Variants in ZDHHC14 observed in about 807,000 individuals in gnomAD.
ZDHHC14 encodes palmitoyltransferase ZDHHC14.
Under a neutral mutation model 47.7 loss-of-function variants are expected in ZDHHC14, and 16 were observed. That is an observed-to-expected ratio of 0.34 (90% CI 0.23 to 0.51). The LOEUF (loss-of-function observed/expected upper bound fraction) is 0.51. ZDHHC14 is among the 20% of genes least tolerant of loss of function. The pLI is 0.97. For synonymous variants in ZDHHC14, 293 were observed against 278.9 expected, an observed-to-expected ratio of 1.05 and a Z score of -0.50; for missense variants, 515 against 662.5, an observed-to-expected ratio of 0.78 and a Z score of 2.44.
intron 2 of ZDHHC14, among the ~76,000 whole-genome samples, chr6:157,555,647 T>G (rs981745063): frequency 5.3e-5 from 8 of 151,840 alleles, no homozygotes; most frequent in Non-Finnish European, 1.2e-4. Flanking sequence ...CCTGATAGCT[T>G]CTTTTTTTTA....
At position 157,591,208 on chromosome 6, in the gene ZDHHC14, G is replaced by A. The variant is rs149580438; in HGVS notation, c.407-1780G>A. Reference sequence around the variant, plus strand: ...GAATGAGCTAAGACTTTGGGGGACTGTTGGAAAGGCATGATTGTGTTTTAA... The same window carrying A: ...GAATGAGCTAAGACTTTGGGGGACTATTGGAAAGGCATGATTGTGTTTTAA... On this transcript the variant is annotated intron_variant, in intron 2 of 8. Coordinates refer to ENST00000359775, the MANE Select transcript of ZDHHC14 (RefSeq NM_024630.3). Among the ~76,000 whole-genome samples the A allele has an allele frequency of 4.4e-4, 67 of 152,330 alleles. No homozygotes were observed. The East Asian group carries it at 0.012, about 27-fold the overall frequency.
At chr6:157,553,639 G>T (rs1431969181) in intron 2 of ZDHHC14, among the ~76,000 whole-genome samples, 1 of 151,788 alleles carries the variant, frequency 6.6e-6, no homozygotes, top group African/African-American at 2.4e-5. Context: ...TGGGGGGTGG[G>T]AGAGGGCTGG....
chr6:157,423,932 G>A (rs1191244331), intron 1 of ZDHHC14, among the ~76,000 whole-genome samples: 1 of 152,182 alleles, frequency 6.6e-6, no homozygotes. Context: ...ACTGGTTCAG[G>A]CATCCATCAG....
intron 1 of ZDHHC14, among the ~76,000 whole-genome samples, chr6:157,535,391 G>A (rs921897986): frequency 6.6e-6 from 1 of 152,164 alleles, no homozygotes; most frequent in Non-Finnish European, 1.5e-5. Context: ...CCCTTAGCAA[G>A]CCTGAAAGCT....
chr6:157,575,413 C>A (rs1033838755), intron 2 of ZDHHC14, among the ~76,000 whole-genome samples: 1 of 152,220 alleles, frequency 6.6e-6, no homozygotes, highest in Non-Finnish European at 1.5e-5. Context: ...GGCCAACATC[C>A]CAGATGTGGC....
intron 6 of ZDHHC14, chr6:157,646,370 C>T (rs1961520): frequency 0.22 from 33,254 of 151,922 alleles, 4,543 homozygotes; most frequent in East Asian, 0.57. Context: ...CCCAGCACTT[C>T]GGGAGGCCGA....
chr6:157,626,370 C>T (rs992004074), intron 3 of ZDHHC14, among the ~76,000 whole-genome samples: 4 of 152,102 alleles, frequency 2.6e-5, no homozygotes, highest in African/African-American at 7.2e-5. Flanking sequence ...TGATGGCCTC[C>T]AAGTCTTAGG....
intron 2 of ZDHHC14, among the ~76,000 whole-genome samples, chr6:157,568,612 T>A (rs1252129185): frequency 6.6e-6 from 1 of 152,166 alleles, no homozygotes; most frequent in Non-Finnish European, 1.5e-5. Context: ...TTGCACTCAG[T>A]ATTCATGAAA....
At chr6:157,412,790 CAT>C (rs1583623108) in intron 1 of ZDHHC14, among the ~76,000 whole-genome samples, 1 of 152,200 alleles carries the variant, frequency 6.6e-6, no homozygotes, top group East Asian at 1.9e-4. Flanking sequence ...AGAGCAAAAC[CAT>C]TTGTCAAATT....
Position 157,421,329 on chromosome 6 carries a change from T to C in ZDHHC14, c.245+39063T>C, listed in dbSNP as rs1440201317. Reference sequence around the variant, plus strand: ...GGTGAAACCACGTCTCTACTAAAAATATTAAAAAAAAAATTTGCTGGGTGT... The same window carrying C: ...GGTGAAACCACGTCTCTACTAAAAACATTAAAAAAAAAATTTGCTGGGTGT... On this transcript the variant is annotated intron_variant, in intron 1 of 8. Transcript: ENST00000359775. 4.0e-5 allele frequency among the ~76,000 whole-genome samples: 6 copies of C among 150,704 alleles called. No individual in the cohort carries two copies. In the South Asian group the frequency reaches 8.4e-4, roughly 21 times the overall value.
At chr6:157,481,163 A>G (rs1258039293) in intron 1 of ZDHHC14, among the ~76,000 whole-genome samples, 1 of 151,840 alleles carries the variant, frequency 6.6e-6, no homozygotes, top group African/African-American at 2.4e-5. Context: ...CCTCACTCCC[A>G]CTCATTTTTT....
intron 1 of ZDHHC14, among the ~76,000 whole-genome samples, chr6:157,526,434 A>C (rs1781152864): frequency 6.6e-6 from 1 of 152,070 alleles, no homozygotes; most frequent in Non-Finnish European, 1.5e-5. Flanking sequence ...CATCTCCCAG[A>C]TTATCCTGGT....
intron 1 of ZDHHC14, among the ~76,000 whole-genome samples, chr6:157,503,169 G>C (rs1182439340): frequency 1.3e-5 from 2 of 152,196 alleles, no homozygotes; most frequent in African/African-American, 4.8e-5. Flanking sequence ...CGGGGACTCT[G>C]GTGGTTCTCA....
intron 1 of ZDHHC14, among the ~76,000 whole-genome samples, chr6:157,535,786 G>A (rs1781527869): frequency 6.6e-6 from 1 of 152,186 alleles, no homozygotes; most frequent in Non-Finnish European, 1.5e-5. Context: ...TTCTGGAGTT[G>A]TGAGTGGATA....
intron 2 of ZDHHC14, among the ~76,000 whole-genome samples, chr6:157,587,574 A>T (rs1439111680): frequency 6.6e-6 from 1 of 152,224 alleles, no homozygotes; most frequent in Non-Finnish European, 1.5e-5. Flanking sequence ...ACAGCTGTTC[A>T]GTTATTCTAA....
At chr6:157,472,412 C>A (rs1420481600) in intron 1 of ZDHHC14, among the ~76,000 whole-genome samples, 2 of 152,174 alleles carry the variant, frequency 1.3e-5, no homozygotes, top group South Asian at 4.2e-4. Flanking sequence ...AGCAGGTGCA[C>A]GTGTCTCCAG....
intron 2 of ZDHHC14, among the ~76,000 whole-genome samples, chr6:157,563,875 G>C (rs1782804747): frequency 6.6e-6 from 1 of 152,226 alleles, no homozygotes; most frequent in Non-Finnish European, 1.5e-5. Flanking sequence ...GAAACAGTGT[G>C]CTCTGGTGGG....
intron 3 of ZDHHC14, among the ~76,000 whole-genome samples, chr6:157,605,806 G>T (rs1055913815): frequency 6.6e-6 from 1 of 152,206 alleles, no homozygotes. Flanking sequence ...GGGCACAGCG[G>T]GTGGGGGGTA....
chr6:157,612,623 C>T (rs770383736), intron 3 of ZDHHC14, among the ~76,000 whole-genome samples: 2 of 151,772 alleles, frequency 1.3e-5, no homozygotes, highest in Non-Finnish European at 2.9e-5. Context: ...TGTGTGGACT[C>T]GAGTGGCCGA....
Sources: gnomAD v4.1 joint callset for allele counts (sites outside exome capture counted in the v4.1 genomes callset) on GRCh38, gnomAD v4.1.1 for gene constraint, MANE v1.5 for transcripts, NCBI Gene and HGNC (gene_info 2026-07-23, HGNC 2026-07-21) for gene names.